Variants in PAQR5 observed in about 807,000 individuals in gnomAD.
PAQR5 encodes membrane progestin receptor gamma.
PAQR5 carries 20 observed loss-of-function variants against 34.5 expected under a neutral mutation model. The observed-to-expected ratio is 0.58, with a 90% confidence interval of 0.41 to 0.84. The LOEUF is 0.84. Ranked by LOEUF, PAQR5 falls within the 40% of genes least tolerant of loss-of-function variation. The pLI is 0.00. For synonymous variants in PAQR5, 131 were observed against 155.6 expected, an observed-to-expected ratio of 0.84 and a Z score of 1.18; for missense variants, 378 against 412.7, an observed-to-expected ratio of 0.92 and a Z score of 0.73.
At position 69,323,716 on chromosome 15, in the gene PAQR5, A is replaced by G. The variant is rs566194481; in HGVS notation, c.-276-13625A>G. ...AAACCCTGTTGTTACAGAAAAGGAG[A>G]AAGAGTAAAGCAAATCCCTAGATTT... On this transcript the variant is annotated intron_variant, in intron 1 of 8. Transcript: ENST00000395407. Among the ~76,000 whole-genome samples the G allele has an allele frequency of 6.6e-5, 10 of 152,358 alleles. No individual in the cohort carries two copies. The South Asian group carries it at 2.1e-3, about 32-fold the overall frequency.
intron 5 of PAQR5, among the ~76,000 whole-genome samples, chr15:69,389,443 C>G (rs1245048594): frequency 6.6e-6 from 1 of 152,206 alleles, no homozygotes; most frequent in Admixed American, 6.5e-5. Context: ...TGGAGCAAAG[C>G]TGGGCTCACA....
intron 2 of PAQR5, among the ~76,000 whole-genome samples, chr15:69,347,573 C>T (rs1026383773): frequency 2.0e-5 from 3 of 152,148 alleles, no homozygotes; most frequent in African/African-American, 7.2e-5. Context: ...ACCTCTCTTT[C>T]TCCCTGGTGG....
At chr15:69,324,349 A>G (rs978410529) in intron 1 of PAQR5, among the ~76,000 whole-genome samples, 18 of 152,216 alleles carry the variant, frequency 1.2e-4, no homozygotes, top group Admixed American at 1.1e-3. Context: ...GCATTAATGC[A>G]GACCTGAGAC....
intron 1 of PAQR5, among the ~76,000 whole-genome samples, chr15:69,317,927 A>G (rs566309219): frequency 6.6e-6 from 1 of 152,244 alleles, no homozygotes; most frequent in East Asian, 1.9e-4. Context: ...CTGCCAAAGC[A>G]AGTCCTCAGC....
At chr15:69,356,797 G>A (rs907640314) in intron 2 of PAQR5, among the ~76,000 whole-genome samples, 2 of 152,142 alleles carry the variant, frequency 1.3e-5, no homozygotes, top group East Asian at 3.9e-4. Context: ...GTGTGTCCTG[G>A]TTGTAGCATA....
chr15:69,310,896 G>A (rs555350036), intron 1 of PAQR5, among the ~76,000 whole-genome samples: 7 of 151,650 alleles, frequency 4.6e-5, no homozygotes, highest in African/African-American at 9.7e-5. Context: ...AAAATTAGCC[G>A]GGTGTGGTGG....
At chr15:69,344,646 G>A (rs1389755424) in intron 2 of PAQR5, among the ~76,000 whole-genome samples, 1 of 152,216 alleles carries the variant, frequency 6.6e-6, no homozygotes, top group Non-Finnish European at 1.5e-5. Flanking sequence ...ACATTTTTCA[G>A]CAATTAGCAT....
At chr15:69,300,857 C>A (rs1566986211) in intron 1 of PAQR5, among the ~76,000 whole-genome samples, 792 of 14,994 alleles carry the variant, frequency 0.053, 221 homozygotes, top group African/African-American at 0.15. Context: ...TTCTTTCTTT[C>A]TTTCTTTCTT....
intron 1 of PAQR5, among the ~76,000 whole-genome samples, chr15:69,318,293 G>C (rs1042806956): frequency 1.3e-5 from 2 of 152,232 alleles, no homozygotes; most frequent in East Asian, 3.9e-4. Context: ...CGAAGCAGAG[G>C]GGGCAGCTTG....
At chr15:69,343,321 A>G in intron 2 of PAQR5, among the ~76,000 whole-genome samples, 1 of 152,260 alleles carries the variant, frequency 6.6e-6, no homozygotes, top group Admixed American at 6.5e-5. Flanking sequence ...TTATTAGGAT[A>G]ATAGGCTGTC....
At chr15:69,341,214 G>A (rs986436755) in intron 2 of PAQR5, among the ~76,000 whole-genome samples, 57 of 127,076 alleles carry the variant, frequency 4.5e-4, no homozygotes, top group African/African-American at 1.6e-3. Context: ...CTGTCTTTAC[G>A]TAAATGTCTC....
chr15:69,324,088 C>T (rs1470107088), intron 1 of PAQR5, among the ~76,000 whole-genome samples: 2 of 145,836 alleles, frequency 1.4e-5, no homozygotes, highest in Non-Finnish European at 3.0e-5. Context: ...ATGTAATAAT[C>T]GTCTAGCAGT....
chr15:69,400,147 A>G, intron 8 of PAQR5, 32 bp downstream of exon 8: 11 of 1,595,108 alleles, frequency 6.9e-6, no homozygotes, highest in Non-Finnish European at 9.4e-6. Flanking sequence ...TGCTCTGCTC[A>G]TTGCCCTCCT....
At chr15:69,375,380 T>C (rs1397143690) in intron 3 of PAQR5, among the ~76,000 whole-genome samples, 1 of 152,160 alleles carries the variant, frequency 6.6e-6, no homozygotes, top group Non-Finnish European at 1.5e-5. Flanking sequence ...AAAGATCTTA[T>C]CTCCGAATGC....
chr15:69,395,240 T>C (rs757395403), intron 6 of PAQR5, among the ~76,000 whole-genome samples: 6 of 151,934 alleles, frequency 3.9e-5, no homozygotes, highest in Non-Finnish European at 5.9e-5. Context: ...TGCCCTCTGC[T>C]CCAGGGGCAG....
rs1013526988 is a variant in PAQR5, at chr15:69,405,573, C to T, written c.*1751C>T. 1 of 152,160 alleles carries T rather than the reference C, an allele frequency of 6.6e-6. No individual in the cohort carries two copies. Among genetic ancestry groups the T allele is most frequent in the African/African-American group, 2.4e-5 (1 of 41,440 alleles). The allele number at this position is 152,160 out of a possible 1,614,324, so 9.4% of individuals were successfully genotyped here. ...TTAGTGGAATTCCACACCAACAGGGCTTGTGAGCTTCCATTTCATCTTACT... is the reference window on the plus strand; with the variant it reads ...TTAGTGGAATTCCACACCAACAGGGTTTGTGAGCTTCCATTTCATCTTACT... On this transcript the variant is annotated 3_prime_UTR_variant, in exon 9 of 9. Coordinates refer to ENST00000395407, the MANE Select transcript of PAQR5 (RefSeq NM_017705.4).
chr15:69,355,336 CTTTCTTTTTTTCT>C (rs747173421), intron 2 of PAQR5, among the ~76,000 whole-genome samples: 1 of 16,510 alleles, frequency 6.1e-5, no homozygotes. Flanking sequence ...TTCTTTCTTT[CTTTCTTTTTTTCT>C]TTCTTTCTTT....
chr15:69,383,364 T>TCCGTGCTCA (rs2055978351), intron 4 of PAQR5, among the ~76,000 whole-genome samples: 1 of 16,584 alleles, frequency 6.0e-5, no homozygotes. Context: ...TGAGTGGGCC[T>TCCGTGCTCA]TTGTGTACAT....
intron 7 of PAQR5, among the ~76,000 whole-genome samples, chr15:69,399,061 G>A (rs1330774525): frequency 6.6e-6 from 1 of 152,164 alleles, no homozygotes; most frequent in African/African-American, 2.4e-5. Flanking sequence ...CTCGGTAAGT[G>A]GTGGCTACTA....
Sources: gnomAD v4.1 joint callset for allele counts (sites outside exome capture counted in the v4.1 genomes callset) on GRCh38, gnomAD v4.1.1 for gene constraint, MANE v1.5 for transcripts, NCBI Gene and HGNC (gene_info 2026-07-23, HGNC 2026-07-21) for gene names.